The following ZC3H12B variants were observed in gnomAD, a reference collection of about 807,000 sequenced individuals.
ZC3H12B encodes probable ribonuclease ZC3H12B.
Under a neutral mutation model 43.9 loss-of-function variants are expected in ZC3H12B, and 7 were observed. The ratio of observed to expected loss-of-function variants is 0.16; its 90% CI spans 0.09 to 0.30. ZC3H12B has a LOEUF of 0.30. Ranked by LOEUF, ZC3H12B falls within the 10% of genes least tolerant of loss-of-function variation. ZC3H12B has a pLI of 1.00. For synonymous variants in ZC3H12B, 222 were observed against 241.7 expected, an observed-to-expected ratio of 0.92 and a Z score of 0.76; for missense variants, 475 against 670.2, an observed-to-expected ratio of 0.71 and a Z score of 3.22.
chrX:65,421,353 A>G (rs2067014966), intron 3 of ZC3H12B, among the ~76,000 whole-genome samples: 1 of 112,168 alleles, frequency 8.9e-6, no homozygotes, highest in African/African-American at 3.2e-5. Context: ...CCATTCACCA[A>G]GGCCAACCTA....
chrX:65,361,793 G>A (rs185444696), upstream of ZC3H12B, among the ~76,000 whole-genome samples: 1 of 110,003 alleles, frequency 9.1e-6, no homozygotes, highest in African/African-American at 3.3e-5. Flanking sequence ...CCCACAACAG[G>A]ACTTAATTAA....
intron 3 of ZC3H12B, among the ~76,000 whole-genome samples, chrX:65,473,199 A>G (rs1003622713): frequency 9.3e-6 from 1 of 107,794 alleles, no homozygotes; most frequent in Non-Finnish European, 1.9e-5. Flanking sequence ...TATTTTTAGT[A>G]GAGACAGGGT....
At chrX:65,356,982 C>T in the ZC3H12B span, 2 of 489,943 alleles carry the variant, frequency 4.1e-6, no homozygotes, top group Admixed American at 2.6e-5. Context: ...CCAACATATT[C>T]CTCTCATGGT....
chrX:65,176,400 A>T, the ZC3H12B span, among the ~76,000 whole-genome samples: 1 of 111,656 alleles, frequency 9.0e-6, no homozygotes, highest in African/African-American at 3.3e-5. Context: ...GGGCTTATAG[A>T]TAAAACTAAC....
At chrX:65,332,832 T>C in the ZC3H12B span, among the ~76,000 whole-genome samples, 8 of 111,987 alleles carry the variant, frequency 7.1e-5, no homozygotes, top group Admixed American at 2.8e-4. Context: ...TTTTGAAACA[T>C]AGTTTTTCTC....
the ZC3H12B span, among the ~76,000 whole-genome samples, chrX:65,231,639 C>T: frequency 6.8e-4 from 76 of 111,213 alleles, no homozygotes; most frequent in African/African-American, 2.0e-3. Flanking sequence ...TGATATCTCT[C>T]CTACTTGCAC....
At chrX:65,373,960 CTGTATATATAGTA>C (rs2066294934) in intron 2 of ZC3H12B, among the ~76,000 whole-genome samples, 1 of 45,604 alleles carries the variant, frequency 2.2e-5, no homozygotes, top group African/African-American at 2.1e-4. Context: ...TATATATATA[CTGTATATATAGTA>C]TATATATATA....
intron 3 of ZC3H12B, among the ~76,000 whole-genome samples, chrX:65,437,092 A>G (rs2067230625): frequency 9.0e-6 from 1 of 110,686 alleles, no homozygotes; most frequent in South Asian, 3.9e-4. Flanking sequence ...AGCTGGGATT[A>G]CAGGTGTGCA....
intron 3 of ZC3H12B, among the ~76,000 whole-genome samples, chrX:65,481,197 A>T (rs1274174534): frequency 1.8e-5 from 2 of 111,380 alleles, no homozygotes. Context: ...CCCTTTCCTG[A>T]TAAAACCAGC....
chrX:65,134,932 G>A, the ZC3H12B span, among the ~76,000 whole-genome samples: 1 of 110,902 alleles, frequency 9.0e-6, no homozygotes, highest in Non-Finnish European at 1.9e-5. Context: ...GCTCAGTGGG[G>A]GAGCTTCTGA....
chrX:65,120,499 G>A, the ZC3H12B span, among the ~76,000 whole-genome samples: 1 of 111,709 alleles, frequency 9.0e-6, no homozygotes, highest in Non-Finnish European at 1.9e-5. Context: ...TGTTGATTTT[G>A]TATCCTGAGA....
chrX:65,447,702 C>T (rs7891280), intron 3 of ZC3H12B, among the ~76,000 whole-genome samples: 9,209 of 111,378 alleles, frequency 0.083, 1,027 homozygotes, highest in African/African-American at 0.29. Context: ...TGATGAAGGA[C>T]TAATATCCAG....
At chrX:65,241,620 G>T in the ZC3H12B span, among the ~76,000 whole-genome samples, 1 of 112,935 alleles carries the variant, frequency 8.9e-6, no homozygotes, top group Non-Finnish European at 1.9e-5. Context: ...GTGCTGCATT[G>T]TGTGGAATTT....
At chrX:65,154,859 T>C in the ZC3H12B span, among the ~76,000 whole-genome samples, 1 of 111,830 alleles carries the variant, frequency 8.9e-6, no homozygotes, top group South Asian at 3.7e-4. Flanking sequence ...TAATTAAAAA[T>C]AGAAATAAAA....
At chrX:65,217,904 G>T in the ZC3H12B span, among the ~76,000 whole-genome samples, 1 of 111,451 alleles carries the variant, frequency 9.0e-6, no homozygotes, top group Non-Finnish European at 1.9e-5. Flanking sequence ...TAATAACAGA[G>T]AAATTCCCAA....
At chrX:65,388,804 A>T (rs2066568449) in intron 2 of ZC3H12B, among the ~76,000 whole-genome samples, 1 of 111,504 alleles carries the variant, frequency 9.0e-6, no homozygotes, top group Admixed American at 9.5e-5. Flanking sequence ...TGATGGTGAC[A>T]TACAGATGGG....
At chrX:65,162,190 G>A in the ZC3H12B span, among the ~76,000 whole-genome samples, 23 of 111,019 alleles carry the variant, frequency 2.1e-4, no homozygotes, top group Non-Finnish European at 4.0e-4. Context: ...CTCTCTGGCT[G>A]CCCTTAACAT....
At chrX:65,281,589 T>C in the ZC3H12B span, among the ~76,000 whole-genome samples, 1 of 112,142 alleles carries the variant, frequency 8.9e-6, no homozygotes, top group South Asian at 3.7e-4. Context: ...ACAGTGTCTT[T>C]GGTAAAAGAT....
chrX:65,348,847 C>T, the ZC3H12B span, among the ~76,000 whole-genome samples: 8 of 111,479 alleles, frequency 7.2e-5, no homozygotes, highest in African/African-American at 2.6e-4. Flanking sequence ...GCACCCAATA[C>T]AGGAGCATCA....
Sources: gnomAD v4.1 joint callset for allele counts (sites outside exome capture counted in the v4.1 genomes callset) on GRCh38, gnomAD v4.1.1 for gene constraint, MANE v1.5 for transcripts, NCBI Gene and HGNC (gene_info 2026-07-23, HGNC 2026-07-21) for gene names.